Variants in RASSF2 observed in about 807,000 individuals in gnomAD.
The protein encoded by RASSF2 is Ras association domain family member 2.
In RASSF2, 34 loss-of-function variants were observed where a neutral mutation model predicts 46.3. That is an observed-to-expected ratio of 0.73 (90% CI 0.56 to 0.98). The LOEUF is 0.98. RASSF2 is among the 50% of genes least tolerant of loss of function. The pLI, the probability that RASSF2 is intolerant of heterozygous loss-of-function variation, is 0.00. For synonymous variants in RASSF2, 158 were observed against 162.5 expected, an observed-to-expected ratio of 0.97 and a Z score of 0.21; for missense variants, 364 against 431.2, an observed-to-expected ratio of 0.84 and a Z score of 1.38.
At chr20:4,822,991 G>C (rs2122720396) in intron 1 of RASSF2, among the ~76,000 whole-genome samples, 1 of 152,292 alleles carries the variant, frequency 6.6e-6, no homozygotes, top group South Asian at 2.1e-4. Context: ...AAGGAAGGAC[G>C]CCCCCAGGGG....
At chr20:4,785,447 C>T (rs1925243902) in intron 11 of RASSF2, among the ~76,000 whole-genome samples, 1 of 152,212 alleles carries the variant, frequency 6.6e-6, no homozygotes, top group Non-Finnish European at 1.5e-5. Context: ...CCAGCAGCGG[C>T]TTTATTCTCC....
chr20:4,817,093 G>GAA (rs1402849191), intron 2 of RASSF2, among the ~76,000 whole-genome samples: 3 of 152,080 alleles, frequency 2.0e-5, no homozygotes, highest in Non-Finnish European at 4.4e-5. Context: ...CAACAAGAGT[G>GAA]AAACTACATC....
intron 1 of RASSF2, 131 bp downstream of exon 1, chr20:4,823,426 G>C (rs1928858757): frequency 6.6e-6 from 1 of 152,278 alleles, no homozygotes; most frequent in Non-Finnish European, 1.5e-5. Context: ...AGCGATCGGC[G>C]GGCCGGGCTC....
intron 5 of RASSF2, among the ~76,000 whole-genome samples, chr20:4,793,990 T>TA (rs1246817333): frequency 6.6e-6 from 1 of 152,256 alleles, no homozygotes; most frequent in Non-Finnish European, 1.5e-5. Context: ...AACGAAATCT[T>TA]AAAAATCATC....
At position 4,795,748 on chromosome 20, in the gene RASSF2, C is replaced by A; in HGVS notation, c.287+67G>T. ...CTGGCTGGAAGAAGGCAGCATTTATCTGCTTGAGAACACATAGAACACCCA... is the reference window on the plus strand; with the variant it reads ...CTGGCTGGAAGAAGGCAGCATTTATATGCTTGAGAACACATAGAACACCCA... On this transcript the variant is annotated intron_variant, in intron 5 of 11. Coordinates refer to ENST00000379400, the MANE Select transcript of RASSF2 (RefSeq NM_014737.3). This position sits in a 1 kb window ranked among gnomAD's most constrained non-coding sequence, Gnocchi z 4.0. 1 of 1,521,982 alleles carries A rather than the reference C, an allele frequency of 6.6e-7. No individual in the cohort carries two copies. The highest frequency in any genetic ancestry group is 2.5e-5 in the East Asian group (1 of 39,626). 94.3% of individuals were successfully genotyped at this position (1,521,982 alleles called of 1,614,324 possible).
chr20:4,817,429 G>C (rs1420435224), intron 2 of RASSF2, among the ~76,000 whole-genome samples: 1 of 152,098 alleles, frequency 6.6e-6, no homozygotes, highest in Non-Finnish European at 1.5e-5. Flanking sequence ...GATGAATTCT[G>C]TCATAGAAAG....
chr20:4,815,039 C>T (rs1055397326), intron 2 of RASSF2: 1 of 152,234 alleles, frequency 6.6e-6, no homozygotes, highest in Non-Finnish European at 1.5e-5. Context: ...ACCCTGAGCG[C>T]CCTCCCAGAC....
rs187363447 is a variant in RASSF2, at chr20:4,798,155, T to C, written c.60-70A>G. On this transcript the variant is annotated intron_variant, in intron 3 of 11. Coordinates refer to ENST00000379400, the MANE Select transcript of RASSF2 (RefSeq NM_014737.3). ...CACTTATAATGCAGTTGTTCCCTCT[T>C]TCTCTCACCTCTCACCTGGCCTTCA... 3.4e-4 allele frequency: 424 copies of C among 1,264,042 alleles called. 2 individuals are homozygous for C. The Middle Eastern group carries it at 7.9e-3, about 23-fold the overall frequency. The allele number at this position is 1,264,042 out of a possible 1,614,324, so 78.3% of individuals were successfully genotyped here.
At chr20:4,809,281 G>A (rs777878124) in intron 2 of RASSF2, among the ~76,000 whole-genome samples, 3 of 152,070 alleles carry the variant, frequency 2.0e-5, no homozygotes, top group Non-Finnish European at 4.4e-5. Context: ...AGGTCCTCTG[G>A]CCATTTAATA....
chr20:4,791,283 A>C (rs887168425), intron 6 of RASSF2, among the ~76,000 whole-genome samples: 3 of 152,140 alleles, frequency 2.0e-5, no homozygotes, highest in African/African-American at 7.2e-5. Flanking sequence ...TTGGGAGTTT[A>C]ATGGGTACAG....
At chr20:4,813,540 G>A (rs1031034654) in intron 2 of RASSF2, among the ~76,000 whole-genome samples, 9 of 152,230 alleles carry the variant, frequency 5.9e-5, no homozygotes, top group African/African-American at 2.2e-4. Flanking sequence ...CAATGGCCTC[G>A]CAGACCGGAG....
At position 4,784,361 on chromosome 20, in the gene RASSF2, C is replaced by T. The variant is rs773016399; in HGVS notation, c.912-19G>A. 4.3e-6 allele frequency: 7 copies of T among 1,611,456 alleles called. No homozygotes were observed. The South Asian group carries it at 5.5e-5, about 13-fold the overall frequency. ...GGTGTACCTGGAGACAAGAAACAGG[C>T]TCAGATGGAGAGCAGCCAGCAACAC... On this transcript the variant is annotated intron_variant, in intron 11 of 11. Coordinates refer to ENST00000379400, the MANE Select transcript of RASSF2 (RefSeq NM_014737.3).
chr20:4,788,167 A>G (rs1466564712), intron 9 of RASSF2, 50 bp downstream of exon 9: 1 of 1,463,248 alleles, frequency 6.8e-7, no homozygotes, highest in African/African-American at 1.4e-5. Flanking sequence ...TTAACTTGCT[A>G]TTTTGAGTTA....
chr20:4,788,311 A>G, intron 8 of RASSF2, 43 bp from the exon 9 acceptor site: 2 of 1,542,688 alleles, frequency 1.3e-6, no homozygotes, highest in Non-Finnish European at 1.8e-6. Context: ...TTTCTATTTA[A>G]ACATCCCAAC....
In RASSF2 at chr20:4,780,676, TTC is replaced by T. The variant is rs1924719987; in HGVS notation, c.*3595_*3596del. ...GAAATTGCCTTGTTCATGTAGAAAT[TTC>T]TCTTTTGGCTGGGCACAGTGGCTCA... On this transcript the variant is annotated 3_prime_UTR_variant, in exon 12 of 12. Transcript: ENST00000379400. The T allele has an allele frequency of 6.6e-6, 1 of 152,200 alleles. No individual in the cohort carries two copies. Among genetic ancestry groups the T allele is most frequent in the Non-Finnish European group, 1.5e-5 (1 of 68,056 alleles). The allele number at this position is 152,200 out of a possible 1,614,324, so 9.4% of individuals were successfully genotyped here.
rs777839776 is a variant in RASSF2, at chr20:4,798,021, G to A, written c.124C>T (p.Arg42Trp). 38 of 1,613,766 alleles carry A rather than the reference G, an allele frequency of 2.4e-5. No individual in the cohort carries two copies. The highest frequency in any genetic ancestry group is 8.0e-5 in the African/African-American group (6 of 74,898). The change falls in exon 4 of 12, where the codon CGG becomes TGG. Residue 42 changes from arginine to tryptophan, a missense_variant. Arg to Trp is a moderately radical substitution (Grantham distance 101). Coordinates refer to ENST00000379400, the MANE Select transcript of RASSF2 (RefSeq NM_014737.3). ...TGGGGACTCCTTACCTCCCGGTGCC[G>A]GAGCTGTAAATTCTGGCCTTCATAG... is the stretch of plus-strand genomic sequence containing the variant. ...LYYEGQNLQL[R>W]HREEEDEFIV...
At chr20:4,821,658 C>T (rs1928695892) in intron 2 of RASSF2, among the ~76,000 whole-genome samples, 1 of 152,206 alleles carries the variant, frequency 6.6e-6, no homozygotes, top group Non-Finnish European at 1.5e-5. Flanking sequence ...TTCCAGCCTC[C>T]CCAGCACAGG....
chr20:4,811,516 C>A (rs1258956875), intron 2 of RASSF2, among the ~76,000 whole-genome samples: 1 of 152,154 alleles, frequency 6.6e-6, no homozygotes, highest in Non-Finnish European at 1.5e-5. Context: ...AGGGAAAGAG[C>A]TGTGTAGATT....
At chr20:4,788,980 G>A (rs542720978) in intron 8 of RASSF2, among the ~76,000 whole-genome samples, 1 of 152,220 alleles carries the variant, frequency 6.6e-6, no homozygotes, top group African/African-American at 2.4e-5. Flanking sequence ...CAACTAGCAG[G>A]TGCTCAGTGG....
Sources: allele counts gnomAD v4.1 joint callset (sites outside exome capture counted in the v4.1 genomes callset), GRCh38; gene constraint gnomAD v4.1.1; non-coding constraint Gnocchi (gnomAD v3.1); transcripts MANE v1.5; gene names NCBI Gene and HGNC (gene_info 2026-07-23, HGNC 2026-07-21).